Variants in POU5F1 observed in about 807,000 individuals in gnomAD.
POU5F1 encodes the protein POU domain, class 5, transcription factor 1.
POU5F1 carries 6 observed loss-of-function variants against 38.3 expected under a neutral mutation model. The ratio of observed to expected loss-of-function variants is 0.16; its 90% CI spans 0.09 to 0.31. The LOEUF is 0.31. POU5F1 is among the 10% of genes least tolerant of loss of function. POU5F1 has a pLI of 1.00. For synonymous variants in POU5F1, 147 were observed against 194.9 expected (o/e 0.75, Z 2.05); for missense variants, 286 against 462.6 (o/e 0.62, Z 3.50).
rs766077489 is a variant in POU5F1 at position 31,170,480 on chromosome 6, G to A, written c.141C>T (p.Ile47=). 8.1e-6 allele frequency: 13 copies of A among 1,603,194 alleles called. No homozygotes were observed. Among genetic ancestry groups the A allele is most frequent in the African/African-American group, 8.0e-5 (6 of 74,710 alleles). Residue 47 remains isoleucine (I), a synonymous_variant, in exon 1 of 5, where the codon ATC becomes ATT. Coordinates refer to ENST00000259915, the MANE Select transcript of POU5F1 (RefSeq NM_002701.6). ...SFQGPPGGPG[I]GPGVGPGSEV... ...CAGAGCCTGGCCCAACCCCCGGCCCGATTCCTGGCCCTCCAGGAGGGCCTT... is the reference window on the plus strand; with the variant it reads ...CAGAGCCTGGCCCAACCCCCGGCCCAATTCCTGGCCCTCCAGGAGGGCCTT...
Position 31,165,200 on chromosome 6 carries a change from C to A in POU5F1, c.744G>T (p.Leu248Phe), listed in dbSNP as rs775301501. 1.9e-6 allele frequency: 3 copies of A among 1,610,234 alleles called. No individual in the cohort carries two copies. The highest frequency in any genetic ancestry group is 1.1e-5 in the South Asian group (1 of 90,494). ...GTGTGGGTTTCGGGCACTGCAGGAA[C>A]AAATTCTCCAGGTTGCCTCTCACTC... ...ENRVRGNLEN[L>F]FLQCPKPTLQ... is the part of the protein sequence containing the mutation. The change falls in exon 4 of 5, where the codon TTG becomes TTT. Residue 248 changes from leucine to phenylalanine, a missense_variant. By Grantham distance (22) the Leu-to-Phe change is conservative. Around this residue, in one of 2 missense-constraint regions of POU5F1, gnomAD observed 110 missense variants for 277.8 expected, o/e 0.40. Transcript: ENST00000259915. The surrounding 1 kb of genome is among the most constrained non-coding windows in gnomAD (Gnocchi z 6.5).
At position 31,164,733 on chromosome 6, in the gene POU5F1, C is replaced by T. The variant is rs754481951; in HGVS notation, c.951G>A (p.Gly317=). 1.8e-5 allele frequency: 29 copies of T among 1,605,636 alleles called. No homozygotes were observed. Among genetic ancestry groups the T allele is most frequent in the Non-Finnish European group, 2.1e-5 (25 of 1,176,248 alleles). Reference sequence around the variant, plus strand: ...CATAGCCTGGGGTACCAAAATGGGGCCCTGGGGCCAGAGGAAAGGACACTG... The same window carrying T: ...CATAGCCTGGGGTACCAAAATGGGGTCCTGGGGCCAGAGGAAAGGACACTG... The part of the protein sequence containing the change: ...GGPVSFPLAP[G]PHFGTPGYGS... Residue 317 remains glycine, a synonymous_variant, in exon 5 of 5, where the codon GGG becomes GGA. Transcript: ENST00000259915.
In POU5F1 at chr6:31,170,271, A is replaced by T. The variant is rs1209713660; in HGVS notation, c.350T>A (p.Val117Asp). 2.5e-6 allele frequency: 4 copies of T among 1,612,760 alleles called. No homozygotes were observed. The highest frequency in any genetic ancestry group is 3.4e-6 in the Non-Finnish European group (4 of 1,179,830). The change falls in exon 1 of 5, where the codon GTC becomes GAC. Residue 117 changes from valine (V) to aspartate (D), a missense_variant. Transcript: ENST00000259915. ...CTCCAGCTTCACGGCACCAGGGGTG[A>T]CGGTGCAGGGCTCCGGGGAGGCCCC... is the stretch of plus-strand genomic sequence containing the variant. ...SDGASPEPCT[V>D]TPGAVKLEKE...
At chr6:31,168,000 T>G (rs113542024) in intron 1 of POU5F1, among the ~76,000 whole-genome samples, 12,819 of 152,132 alleles carry the variant, frequency 0.084, 654 homozygotes, top group Middle Eastern at 0.16. Context: ...TGGAGTGCTG[T>G]GGCGTGATCT....
chr6:31,166,489 T>C, intron 1 of POU5F1: 1 of 1,199,208 alleles, frequency 8.3e-7, no homozygotes, highest in Non-Finnish European at 1.1e-6. Context: ...TGAAACCCCG[T>C]CTCTACTAAA....
Position 31,164,505 on chromosome 6 carries a change from A to G in POU5F1, c.*96T>C. ...TTCCCAATTCCTTCCTTAGTGAATGAAGAACTTAATCCCAAAAACCCTGGC... is the reference window on the plus strand; with the variant it reads ...TTCCCAATTCCTTCCTTAGTGAATGGAGAACTTAATCCCAAAAACCCTGGC... On this transcript the variant is annotated 3_prime_UTR_variant, in exon 5 of 5. Transcript: ENST00000259915. 2.0e-6 allele frequency: 3 copies of G among 1,523,436 alleles called. No homozygotes were observed. The highest frequency in any genetic ancestry group is 2.7e-6 in the Non-Finnish European group (3 of 1,123,586). 94.4% of individuals were successfully genotyped at this position (1,523,436 alleles called of 1,614,324 possible).
intron 1 of POU5F1, among the ~76,000 whole-genome samples, chr6:31,169,731 C>T (rs1777524238): frequency 6.6e-6 from 1 of 152,152 alleles, no homozygotes; most frequent in African/African-American, 2.4e-5. Flanking sequence ...AACAATAATC[C>T]TGGAATGAGC....
intron 1 of POU5F1, 164 bp downstream of exon 1, chr6:31,170,052 G>C: frequency 1.8e-6 from 2 of 1,136,084 alleles, no homozygotes; most frequent in Non-Finnish European, 1.2e-6. Context: ...CTGCCTGCCA[G>C]GGCTGCCAGC....
chr6:31,169,134 C>T (rs557770021), intron 1 of POU5F1, among the ~76,000 whole-genome samples: 3 of 152,136 alleles, frequency 2.0e-5, no homozygotes, highest in Non-Finnish European at 2.9e-5. Context: ...GCAGTTAAAA[C>T]CCGTTAAATA....
At position 31,165,743 on chromosome 6, in the gene POU5F1, C is replaced by T. The variant is rs756724092; in HGVS notation, c.527-42G>A. The T allele has an allele frequency of 9.5e-6, 15 of 1,585,036 alleles. No individual in the cohort carries two copies. Among genetic ancestry groups the T allele is most frequent in the South Asian group, 2.3e-5 (2 of 87,792 alleles). ...AAAAGAGAAGCAAAGTGAGGGAGCA[C>T]GCAGGGCCCTTGTGACCCTGAGATC... On this transcript the variant is annotated intron_variant, in intron 2 of 4. Coordinates refer to ENST00000259915, the MANE Select transcript of POU5F1 (RefSeq NM_002701.6). The surrounding 1 kb of genome is among the most constrained non-coding windows in gnomAD (Gnocchi z 6.5).
Position 31,165,108 on chromosome 6 carries a change from CAG to C in POU5F1, c.816+18_816+19del, listed in dbSNP as rs1777119827. 5 of 1,603,328 alleles carry C rather than the reference CAG, an allele frequency of 3.1e-6. No individual in the cohort carries two copies. Among genetic ancestry groups the C allele is most frequent in the East Asian group, 4.5e-5 (2 of 44,248 alleles). On this transcript the variant is annotated intron_variant, in intron 4 of 4. Coordinates refer to ENST00000259915, the MANE Select transcript of POU5F1 (RefSeq NM_002701.6). The surrounding 1 kb of genome is among the most constrained non-coding windows in gnomAD (Gnocchi z 6.5). ...TGACAGGGGAAAGAGATGGAGCCCG[CAG>C]AGAGACATGGCACTCACATCCTTCT... is the stretch of plus-strand genomic sequence containing the variant.
In POU5F1 at chr6:31,165,201, A is replaced by C; in HGVS notation, c.743T>G (p.Leu248Trp). The C allele has an allele frequency of 6.2e-7, 1 of 1,610,470 alleles. No individual in the cohort carries two copies. The highest frequency in any genetic ancestry group is 8.5e-7 in the Non-Finnish European group (1 of 1,178,766). ...ENRVRGNLENLFLQCPKPTLQ... is the reference protein window; with the variant it reads ...ENRVRGNLENWFLQCPKPTLQ... ...TGTGGGTTTCGGGCACTGCAGGAACAAATTCTCCAGGTTGCCTCTCACTCG... is the reference window on the plus strand; with the variant it reads ...TGTGGGTTTCGGGCACTGCAGGAACCAATTCTCCAGGTTGCCTCTCACTCG... Residue 248 changes from leucine to tryptophan, a missense_variant, in exon 4 of 5, where the codon TTG becomes TGG. Physicochemically the swap from Leu to Trp is moderately conservative, Grantham distance 61. This residue lies in a region of POU5F1 where 110 missense variants were observed against 277.8 expected (regional missense o/e 0.40). Coordinates refer to ENST00000259915, the MANE Select transcript of POU5F1 (RefSeq NM_002701.6). This position sits in a 1 kb window ranked among gnomAD's most constrained non-coding sequence, Gnocchi z 6.5.
rs1175259104 is a variant in POU5F1, at chr6:31,166,052, AT to A, written c.406-6del. ...CAGAGCTTTGATGTCCTGGGACTGGATTTTAAAAGGCAGAAGACTTGTAAGA... is the reference window on the plus strand; with the variant it reads ...CAGAGCTTTGATGTCCTGGGACTGGATTTAAAAGGCAGAAGACTTGTAAGA... On this transcript the variant is annotated splice_polypyrimidine_tract_variant and splice_region_variant and intron_variant, in intron 1 of 4. Transcript: ENST00000259915. 1 of 1,614,084 alleles carries A rather than the reference AT, an allele frequency of 6.2e-7. No homozygotes were observed. The highest frequency in any genetic ancestry group is 8.5e-7 in the Non-Finnish European group (1 of 1,180,046).
intron 1 of POU5F1, chr6:31,166,405 A>T (rs1183137274): frequency 2.2e-6 from 3 of 1,378,658 alleles, no homozygotes; most frequent in Non-Finnish European, 2.9e-6. Flanking sequence ...TCACGCCTAT[A>T]ATTCCAGCAC....
chr6:31,166,936 G>A, intron 1 of POU5F1: 5 of 1,141,724 alleles, frequency 4.4e-6, no homozygotes, highest in Non-Finnish European at 5.6e-6. Flanking sequence ...AGTGCTTTGT[G>A]TGTACTTACT....
chr6:31,167,685 G>A (rs554807455), intron 1 of POU5F1, among the ~76,000 whole-genome samples: 3 of 147,748 alleles, frequency 2.0e-5, no homozygotes, highest in Non-Finnish European at 4.5e-5. Flanking sequence ...TCCAGCCTGA[G>A]GGACAGAGTG....
At chr6:31,166,348 AC>A in intron 1 of POU5F1, 1 of 1,431,236 alleles carries the variant, frequency 7.0e-7, no homozygotes, top group African/African-American at 1.4e-5. Flanking sequence ...CCTCGAGAAC[AC>A]CTGTCAGGTT....
intron 1 of POU5F1, 30 bp from the exon 2 acceptor site, chr6:31,166,077 G>T (rs777021724): frequency 6.2e-7 from 1 of 1,614,212 alleles, no homozygotes; most frequent in South Asian, 1.1e-5. Context: ...AGACTTGTAA[G>T]AACATAAACA....
At position 31,170,568 on chromosome 6, in the gene POU5F1, C is replaced by G. The variant is rs773044360; in HGVS notation, c.53G>C (p.Gly18Ala). The change falls in exon 1 of 5, where the codon GGA (glycine) becomes GCA (alanine). Residue 18 changes from glycine to alanine, a missense_variant. Transcript: ENST00000259915. The part of the protein sequence containing the change: ...DFAFSPPPGG[G>A]GDGPGGPEPG... ...CTCCGGCCCCCCTGGCCCATCACCTCCACCACCTGGAGGGGGCGAGAAGGC... is the reference window on the plus strand; with the variant it reads ...CTCCGGCCCCCCTGGCCCATCACCTGCACCACCTGGAGGGGGCGAGAAGGC... 1.1e-5 allele frequency: 18 copies of G among 1,569,008 alleles called. No homozygotes were observed. Among genetic ancestry groups the G allele is most frequent in the Admixed American group, 1.1e-4 (6 of 53,108 alleles).
Sources: allele counts gnomAD v4.1 joint callset (sites outside exome capture counted in the v4.1 genomes callset), GRCh38; gene constraint gnomAD v4.1.1; regional missense constraint gnomAD v4.1.1; non-coding constraint Gnocchi (gnomAD v3.1); transcripts MANE v1.5; gene names NCBI Gene and HGNC (gene_info 2026-07-23, HGNC 2026-07-21).